The following PPEF1 variants were observed in gnomAD, a reference collection of about 807,000 sequenced individuals.
PPEF1 encodes serine/threonine-protein phosphatase with EF-hands 1.
A neutral mutation model predicts 53.3 loss-of-function variants in PPEF1; 12 were observed. The observed-to-expected ratio is 0.23, with a 90% CI of 0.14 to 0.36. The LOEUF is 0.36. Ranked by LOEUF, PPEF1 falls within the 10% of genes least tolerant of loss-of-function variation. The probability of loss-of-function intolerance (pLI) is 1.00; values close to 1 mark genes in which losing one functional copy is unlikely to be tolerated. For missense variants in PPEF1, 334 were observed against 490.4 expected (o/e 0.68, Z 3.01); for synonymous variants, 165 against 176.7 (o/e 0.93, Z 0.52).
At chrX:18,737,105 G>GT (rs2045003091) in intron 3 of PPEF1, among the ~76,000 whole-genome samples, 1 of 111,568 alleles carries the variant, frequency 9.0e-6, no homozygotes, top group East Asian at 2.8e-4. Flanking sequence ...TTTTTGAAGG[G>GT]TTTTTTGTGT....
At chrX:18,797,762 C>T (rs899938154) in intron 10 of PPEF1, among the ~76,000 whole-genome samples, 3 of 111,111 alleles carry the variant, frequency 2.7e-5, no homozygotes, top group Non-Finnish European at 5.7e-5. Flanking sequence ...AGTGCAGTGG[C>T]GCAATCTCGG....
intron 1 of PPEF1, among the ~76,000 whole-genome samples, chrX:18,718,611 C>A (rs2044513369): frequency 9.0e-6 from 1 of 111,343 alleles, no homozygotes; most frequent in Non-Finnish European, 1.9e-5. Flanking sequence ...AACAAAAACA[C>A]ACACACAACA....
chrX:18,677,777 T>C (rs890787135), intron 1 of PPEF1, among the ~76,000 whole-genome samples: 2 of 111,504 alleles, frequency 1.8e-5, no homozygotes, highest in Non-Finnish European at 3.8e-5. Context: ...CGTAGGAGGC[T>C]GTCCCGTGTA....
At chrX:18,728,488 C>T (rs777417548) in intron 1 of PPEF1, among the ~76,000 whole-genome samples, 10 of 111,122 alleles carry the variant, frequency 9.0e-5, no homozygotes, top group Non-Finnish European at 1.7e-4. Flanking sequence ...GATCAGTTAC[C>T]TCCCACCAGG....
At chrX:18,721,469 GT>G (rs1491003577) in intron 1 of PPEF1, among the ~76,000 whole-genome samples, 1 of 111,530 alleles carries the variant, frequency 9.0e-6, no homozygotes, top group Admixed American at 9.6e-5. Context: ...GCTTTTCTAT[GT>G]ACAGTGATAG....
chrX:18,804,599 G>A (rs773014737), intron 11 of PPEF1, among the ~76,000 whole-genome samples: 10 of 111,976 alleles, frequency 8.9e-5, no homozygotes, highest in African/African-American at 3.2e-4. Context: ...GAGCCACCGC[G>A]CCTGGCCCCA....
chrX:18,740,666 C>T (rs1394617909), intron 3 of PPEF1, among the ~76,000 whole-genome samples: 1 of 111,328 alleles, frequency 9.0e-6, no homozygotes, highest in Non-Finnish European at 1.9e-5. Context: ...GCCTCAGTCT[C>T]CCAAAGTGCT....
chrX:18,820,867 C>T lies in PPEF1; in HGVS notation c.1501+2722C>T, dbSNP rs368114303. On this transcript the variant is annotated intron_variant, in intron 13 of 15. Coordinates refer to ENST00000470157, the MANE Select transcript of PPEF1 (RefSeq NM_001377996.1). ...ATAAAGTCTCTGACATATACAACTC[C>T]GTAACATAAGATAGTAATAAAATCA... is the stretch of plus-strand genomic sequence containing the variant. Among the ~76,000 whole-genome samples the T allele has an allele frequency of 9.0e-5, 10 of 111,420 alleles. No individual in the cohort carries two copies. The East Asian group carries it at 2.0e-3, about 22-fold the overall frequency.
chrX:18,744,049 C>T (rs183139109), intron 3 of PPEF1, among the ~76,000 whole-genome samples: 170 of 109,608 alleles, frequency 1.6e-3, no homozygotes, highest in African/African-American at 5.2e-3. Context: ...CACCACCATG[C>T]CTGGCTAATT....
intron 9 of PPEF1, among the ~76,000 whole-genome samples, chrX:18,788,304 CAAAAAAAA>C (rs1214682551): frequency 3.3e-5 from 1 of 30,301 alleles, no homozygotes; most frequent in South Asian, 2.4e-3. Context: ...GACTCTGTCT[CAAAAAAAA>C]AAAAAAAAAA....
At chrX:18,757,218 A>G (rs924018199) in intron 4 of PPEF1, among the ~76,000 whole-genome samples, 6 of 111,902 alleles carry the variant, frequency 5.4e-5, no homozygotes, top group African/African-American at 1.9e-4. Flanking sequence ...GTTTTGACCT[A>G]TTAAAATATG....
intron 7 of PPEF1, among the ~76,000 whole-genome samples, chrX:18,780,605 G>A (rs2283717): frequency 0.45 from 50,200 of 110,591 alleles, 8,686 homozygotes; most frequent in Non-Finnish European, 0.54. Flanking sequence ...GTGAATACAC[G>A]CTCGTCAATT....
intron 6 of PPEF1, among the ~76,000 whole-genome samples, chrX:18,770,632 G>A (rs1047254705): frequency 1.8e-5 from 2 of 111,277 alleles, no homozygotes; most frequent in Non-Finnish European, 3.8e-5. Flanking sequence ...TTACTATTTG[G>A]GGCTTAAAAT....
chrX:18,796,653 T>C (rs1189285042), intron 10 of PPEF1, among the ~76,000 whole-genome samples: 1 of 111,950 alleles, frequency 8.9e-6, no homozygotes, highest in African/African-American at 3.2e-5. Context: ...AAATGTTGAC[T>C]AAAATGTGAT....
intron 4 of PPEF1, among the ~76,000 whole-genome samples, chrX:18,752,105 C>T (rs1409774563): frequency 8.9e-6 from 1 of 111,899 alleles, no homozygotes; most frequent in Non-Finnish European, 1.9e-5. Flanking sequence ...GTAATAATTG[C>T]CATCCTCACA....
At chrX:18,794,744 A>G (rs950049867) in intron 10 of PPEF1, among the ~76,000 whole-genome samples, 11 of 112,155 alleles carry the variant, frequency 9.8e-5, no homozygotes, top group African/African-American at 1.3e-4. Flanking sequence ...GCTGAGGGGA[A>G]TGAGGGATGC....
intron 1 of PPEF1, among the ~76,000 whole-genome samples, chrX:18,726,992 A>G (rs1166302716): frequency 8.9e-6 from 1 of 112,311 alleles, no homozygotes; most frequent in Non-Finnish European, 1.9e-5. Context: ...GATGTTGCTA[A>G]TACCAAATAG....
At chrX:18,717,101 A>T (rs796473138) in intron 1 of PPEF1, among the ~76,000 whole-genome samples, 1,260 of 70,037 alleles carry the variant, frequency 0.018, 23 homozygotes, top group African/African-American at 0.054. Context: ...ATATATATAT[A>T]TTTTTTTCTC....
intron 1 of PPEF1, among the ~76,000 whole-genome samples, chrX:18,711,355 C>T (rs1480156959): frequency 9.1e-6 from 1 of 109,923 alleles, no homozygotes; most frequent in African/African-American, 3.3e-5. Context: ...GAGAAATTAC[C>T]TAATGAGTAC....
Sources: gnomAD v4.1 joint callset for allele counts (sites outside exome capture counted in the v4.1 genomes callset) on GRCh38, gnomAD v4.1.1 for gene constraint, MANE v1.5 for transcripts, NCBI Gene and HGNC (gene_info 2026-07-23, HGNC 2026-07-21) for gene names.